The following CLMN variants were observed in gnomAD, a reference collection of about 807,000 sequenced individuals.
The protein encoded by CLMN is calmin (calponin-like, transmembrane).
A neutral mutation model predicts 92.7 loss-of-function variants in CLMN; 57 were observed. That is an observed-to-expected ratio of 0.61 (90% CI 0.50 to 0.77). The LOEUF (loss-of-function observed/expected upper bound fraction) is 0.77. Ranked by LOEUF, CLMN falls within the 30% of genes least tolerant of loss-of-function variation. The pLI is 0.00. For missense variants in CLMN, 1,158 were observed against 1,237.5 expected (o/e 0.94, Z 0.96); for synonymous variants, 466 against 470.6 (o/e 0.99, Z 0.13).
intron 1 of CLMN, among the ~76,000 whole-genome samples, chr14:95,263,427 C>T (rs1207775803): frequency 6.6e-6 from 1 of 152,106 alleles, no homozygotes; most frequent in Non-Finnish European, 1.5e-5. Context: ...TGGGTGGGGA[C>T]ACAGCCAAAC....
rs1896648318 is a variant in CLMN, at chr14:95,194,554, A to C, written c.2751T>G (p.Thr917=). Residue 917 remains threonine (T), a synonymous_variant, in exon 11 of 13, where the codon ACT becomes ACG. Coordinates refer to ENST00000298912, the MANE Select transcript of CLMN (RefSeq NM_024734.4). The surrounding 1 kb of genome is among the most constrained non-coding windows in gnomAD (Gnocchi z 4.0). ...SDSSIYLRRH[T]HRSSESDHFS... is the part of the protein sequence containing the mutation. ...TACTAACCGATTCCGAAGACCTATG[A>C]GTATGTCGTCGAAGGTAAATGCTGG... is the stretch of plus-strand genomic sequence containing the variant. The C allele has an allele frequency of 6.2e-7, 1 of 1,614,210 alleles. No individual in the cohort carries two copies. Among genetic ancestry groups the C allele is most frequent in the Non-Finnish European group, 8.5e-7 (1 of 1,180,042 alleles).
intron 1 of CLMN, among the ~76,000 whole-genome samples, chr14:95,276,946 A>ATTTTT (rs56746791): frequency 1.2e-4 from 18 of 149,640 alleles, no homozygotes; most frequent in South Asian, 2.1e-4. Flanking sequence ...GAAAAAGATG[A>ATTTTT]TTTTTTTTTT....
At chr14:95,286,577 A>C (rs1199783933) in intron 1 of CLMN, among the ~76,000 whole-genome samples, 3 of 152,234 alleles carry the variant, frequency 2.0e-5, no homozygotes, top group Non-Finnish European at 4.4e-5. Flanking sequence ...CTCTGAATGT[A>C]CTAAATCTTA....
intron 1 of CLMN, among the ~76,000 whole-genome samples, chr14:95,257,229 C>G (rs10132852): frequency 0.11 from 16,808 of 152,206 alleles, 1,254 homozygotes; most frequent in African/African-American, 0.2. Flanking sequence ...CACTTTGCAT[C>G]GAAACAACGG....
At chr14:95,312,246 G>T (rs1481394158) in intron 1 of CLMN, among the ~76,000 whole-genome samples, 1 of 152,070 alleles carries the variant, frequency 6.6e-6, no homozygotes, top group East Asian at 1.9e-4. Flanking sequence ...AGAACTCCTA[G>T]CATGTCCCAT....
At position 95,294,019 on chromosome 14, in the gene CLMN, A is replaced by AGAG. The variant is rs113654953; in HGVS notation, c.82+25689_82+25691dup. ...CTGCCTGGCTGGAGGGTGACACCAA[A>AGAG]GAGGAGGAGGAGGAGGAGGAGGCCA... On this transcript the variant is annotated intron_variant, in intron 1 of 12. Coordinates refer to ENST00000298912, the MANE Select transcript of CLMN (RefSeq NM_024734.4). This position sits in a 1 kb window ranked among gnomAD's most constrained non-coding sequence, Gnocchi z 4.2. Among the ~76,000 whole-genome samples the AGAG allele has an allele frequency of 4.4e-4, 66 of 151,566 alleles. No homozygotes were observed. Among genetic ancestry groups the AGAG allele is most frequent in the Admixed American group, 9.8e-4 (15 of 15,254 alleles).
chr14:95,275,322 T>C (rs1566908699), intron 1 of CLMN, among the ~76,000 whole-genome samples: 2 of 152,162 alleles, frequency 1.3e-5, no homozygotes, highest in South Asian at 2.1e-4. Flanking sequence ...TAAAACAGGA[T>C]GCTGTAAGGA....
chr14:95,224,026 C>T (rs998970042), intron 2 of CLMN, among the ~76,000 whole-genome samples, 171 bp from the exon 3 acceptor site: 1 of 152,192 alleles, frequency 6.6e-6, no homozygotes, highest in Non-Finnish European at 1.5e-5. Flanking sequence ...GAAGTGATAC[C>T]CAGGCAGCGG....
chr14:95,317,426 C>A (rs776029869), intron 1 of CLMN, among the ~76,000 whole-genome samples: 1 of 152,178 alleles, frequency 6.6e-6, no homozygotes, highest in African/African-American at 2.4e-5. Context: ...CCAAAAGACA[C>A]GGACAGCTTC....
chr14:95,267,530 A>G (rs1488949802), intron 1 of CLMN, among the ~76,000 whole-genome samples: 5 of 152,208 alleles, frequency 3.3e-5, no homozygotes, highest in Admixed American at 2.6e-4. Flanking sequence ...AAGACAGGAA[A>G]TAACGGATGC....
intron 1 of CLMN, among the ~76,000 whole-genome samples, chr14:95,261,203 A>AC (rs1433386345): frequency 2.0e-5 from 3 of 151,706 alleles, no homozygotes; most frequent in Non-Finnish European, 4.4e-5. Flanking sequence ...AAAAAAAAAA[A>AC]AAAAAGTGGC....
intron 1 of CLMN, among the ~76,000 whole-genome samples, chr14:95,313,817 C>T (rs1233263970): frequency 6.6e-6 from 1 of 152,222 alleles, no homozygotes; most frequent in African/African-American, 2.4e-5. Context: ...GGACTTTGTC[C>T]AGAGCCTCAG....
At chr14:95,264,012 A>C (rs1223245847) in intron 1 of CLMN, among the ~76,000 whole-genome samples, 4 of 51,768 alleles carry the variant, frequency 7.7e-5, no homozygotes, top group African/African-American at 1.7e-4. Context: ...TTATTACTTT[A>C]TTTATTTATT....
intron 1 of CLMN, among the ~76,000 whole-genome samples, chr14:95,247,952 C>T (rs1158286316): frequency 6.6e-6 from 1 of 152,128 alleles, no homozygotes; most frequent in Non-Finnish European, 1.5e-5. Context: ...GAGACCTGTT[C>T]TGGCCAGTTC....
At chr14:95,212,129 C>A (rs1897216906) in intron 6 of CLMN, among the ~76,000 whole-genome samples, 1 of 152,226 alleles carries the variant, frequency 6.6e-6, no homozygotes, top group South Asian at 2.1e-4. Flanking sequence ...CCTCTCTTCC[C>A]TCTTTTATTT....
intron 1 of CLMN, among the ~76,000 whole-genome samples, chr14:95,289,756 G>A (rs1173338463): frequency 6.6e-6 from 1 of 152,042 alleles, no homozygotes; most frequent in African/African-American, 2.4e-5. Flanking sequence ...TGTCCTCTCT[G>A]TTCCCTTTTA....
chr14:95,289,466 AAAAT>A (rs749536553), intron 1 of CLMN, among the ~76,000 whole-genome samples: 12,709 of 139,354 alleles, frequency 0.091, 1,003 homozygotes, highest in African/African-American at 0.22. Flanking sequence ...TCTGTCTCAA[AAAAT>A]AAATAAATAA....
intron 12 of CLMN, 102 bp downstream of exon 12, chr14:95,193,747 A>G: frequency 7.3e-7 from 1 of 1,366,768 alleles, no homozygotes; most frequent in Non-Finnish European, 1.0e-6. Flanking sequence ...TAATACTGTT[A>G]TCAACAAAGC....
At chr14:95,198,936 CAGAGAAGTCAGCACACAG>C (rs1314838919) in intron 9 of CLMN, 1 of 152,100 alleles carries the variant, frequency 6.6e-6, no homozygotes, top group African/African-American at 2.4e-5. Flanking sequence ...TTTGAGACTT[CAGAGAAGTCAGCACACAG>C]CAGGCCATGG....
Sources: allele counts gnomAD v4.1 joint callset (sites outside exome capture counted in the v4.1 genomes callset), GRCh38; gene constraint gnomAD v4.1.1; non-coding constraint Gnocchi (gnomAD v3.1); transcripts MANE v1.5; gene names NCBI Gene and HGNC (gene_info 2026-07-23, HGNC 2026-07-21).